The following FAT1 variants were observed in gnomAD, a reference collection of about 807,000 sequenced individuals.
The protein encoded by FAT1 is protocadherin Fat 1.
A neutral mutation model predicts 329.8 loss-of-function variants in FAT1; 171 were observed. That is an observed-to-expected ratio of 0.52 (90% CI 0.46 to 0.59). The LOEUF (loss-of-function observed/expected upper bound fraction) is 0.59, where lower values mean the gene tolerates loss of function less well. FAT1 is among the 20% of genes least tolerant of loss of function. The probability of loss-of-function intolerance (pLI) is 0.00; values close to 1 mark genes in which losing one functional copy is unlikely to be tolerated. For synonymous variants in FAT1, 2,233 were observed against 2,228.6 expected, an observed-to-expected ratio of 1.00 and a Z score of -0.06; for missense variants, 5,672 against 5,774.4, an observed-to-expected ratio of 0.98 and a Z score of 0.57.
rs772123419 is a variant in FAT1, at chr4:186,663,642, A to G, written c.3266-29T>C. 5 of 1,555,110 alleles carry G rather than the reference A, an allele frequency of 3.2e-6. No individual in the cohort carries two copies. In the East Asian group the frequency reaches 1.1e-4, roughly 35 times the overall value. ...CAGAGAAAAAAGAAAAGCGTAAAGC[A>G]GCACATCAACGACCAAAACTGCCAG... On this transcript the variant is annotated intron_variant, in intron 2 of 26. Transcript: ENST00000441802.
At chr4:186,725,049 G>C (rs1264784363), upstream of FAT1, among the ~76,000 whole-genome samples, 1 of 152,152 alleles carries the variant, frequency 6.6e-6, no homozygotes, top group African/African-American at 2.4e-5. The surrounding 1 kb of genome is among the most constrained non-coding windows in gnomAD (Gnocchi z 5.4). Context: ...ATGCCTGCAA[G>C]ATGAGTGTGC....
At chr4:186,634,162 C>A (rs972453968) in intron 6 of FAT1, among the ~76,000 whole-genome samples, 6 of 152,184 alleles carry the variant, frequency 3.9e-5, no homozygotes, top group Non-Finnish European at 8.8e-5. Flanking sequence ...GATACCATCA[C>A]TGGGCCATTT....
At chr4:186,635,934 A>C in intron 6 of FAT1, 91 bp downstream of exon 6, 1 of 1,131,154 alleles carries the variant, frequency 8.8e-7, no homozygotes, top group Non-Finnish European at 1.3e-6. Context: ...CCAATTTTAA[A>C]TCCTGACTTG....
intron 4 of FAT1, among the ~76,000 whole-genome samples, chr4:186,637,698 G>A (rs1358615395): frequency 1.3e-5 from 2 of 152,088 alleles, no homozygotes; most frequent in African/African-American, 2.4e-5. Context: ...TTACGTCAAT[G>A]GGCACATTAA....
intron 2 of FAT1, among the ~76,000 whole-genome samples, chr4:186,689,787 G>A (rs955647545): frequency 2.0e-5 from 3 of 151,994 alleles, no homozygotes; most frequent in African/African-American, 7.2e-5. Context: ...ATGCACACCC[G>A]CCACACGACT....
chr4:186,700,835 T>C (rs1335260146), intron 2 of FAT1, among the ~76,000 whole-genome samples: 1 of 152,224 alleles, frequency 6.6e-6, no homozygotes, highest in East Asian at 1.9e-4. Context: ...AGTGCCCGGC[T>C]GTGACACTCA....
intron 7 of FAT1, among the ~76,000 whole-genome samples, chr4:186,629,266 G>GA (rs1740474571): frequency 6.6e-6 from 1 of 152,112 alleles, no homozygotes; most frequent in East Asian, 1.9e-4. Context: ...TACGTAAAAA[G>GA]AAAAAATAAG....
rs1406351945 is a variant in FAT1 at position 186,708,846 on chromosome 4, G to C, written c.982C>G (p.His328Asp). Residue 328 changes from histidine (H) to aspartate (D), a missense_variant, in exon 2 of 27, where the codon CAT becomes GAT. Coordinates refer to ENST00000441802, the MANE Select transcript of FAT1 (RefSeq NM_005245.4). ...KAIGGIDWDS[H>D]PFGYNLTLQA... ...AGTGTGAGATTGTAGCCGAAAGGATGACTGTCCCAATCAATGCCACCGATG... is the reference window on the plus strand; with the variant it reads ...AGTGTGAGATTGTAGCCGAAAGGATCACTGTCCCAATCAATGCCACCGATG... 1 of 1,613,822 alleles carries C rather than the reference G, an allele frequency of 6.2e-7. No homozygotes were observed. The highest frequency in any genetic ancestry group is 8.5e-7 in the Non-Finnish European group (1 of 1,179,886).
intron 20 of FAT1, among the ~76,000 whole-genome samples, chr4:186,602,482 A>G (rs1370888717): frequency 6.6e-6 from 1 of 152,192 alleles, no homozygotes; most frequent in Non-Finnish European, 1.5e-5. Flanking sequence ...ATGCTAGAAA[A>G]TATTATCCAG....
intron 2 of FAT1, among the ~76,000 whole-genome samples, chr4:186,687,443 C>T (rs1743526156): frequency 6.6e-6 from 1 of 152,160 alleles, no homozygotes; most frequent in Admixed American, 6.5e-5. Context: ...TTTCACCCAG[C>T]AATTTCACTT....
intron 5 of FAT1, 129 bp from the exon 6 acceptor site, chr4:186,636,364 A>G (rs1166773578): frequency 7.8e-6 from 7 of 899,302 alleles, no homozygotes; most frequent in Non-Finnish European, 1.2e-5. Flanking sequence ...TATTCTGTGT[A>G]TGGAATGCCT....
rs754157550 is a variant in FAT1 at position 186,708,657 on chromosome 4, C to T, written c.1171G>A (p.Ala391Thr). Residue 391 changes from alanine to threonine, a missense_variant, in exon 2 of 27, where the codon GCC becomes ACC. Coordinates refer to ENST00000441802, the MANE Select transcript of FAT1 (RefSeq NM_005245.4). ...CTCAAATGGGAATAAGCAGGAATGG[C>T]CTTTACCATGACCACAGGTGTGTTG... ...PPNTPVVMVK[A>T]IPAYSHLRYV... 6.2e-7 allele frequency: 1 copy of T among 1,613,870 alleles called. No homozygotes were observed. Among genetic ancestry groups the T allele is most frequent in the Non-Finnish European group, 8.5e-7 (1 of 1,179,890 alleles).
At chr4:186,651,146 T>TCAA (rs1553993947) in intron 3 of FAT1, among the ~76,000 whole-genome samples, 2 of 147,980 alleles carry the variant, frequency 1.4e-5, no homozygotes, top group Non-Finnish European at 3.0e-5. Context: ...AATTTATTTA[T>TCAA]TAATAATAAA....
rs773170895 is a variant in FAT1 at position 186,609,783 on chromosome 4, T to C, written c.10068+18A>G. Reference sequence around the variant, plus strand: ...AGAAGATACACAGTTTTCACTGTAATGGGGAAAAAATACACACCGTGATGA... The same window carrying C: ...AGAAGATACACAGTTTTCACTGTAACGGGGAAAAAATACACACCGTGATGA... On this transcript the variant is annotated intron_variant, in intron 15 of 26. Transcript: ENST00000441802. The C allele has an allele frequency of 1.7e-5, 27 of 1,563,978 alleles. No homozygotes were observed. The East Asian group carries it at 4.5e-4, about 26-fold the overall frequency.
chr4:186,666,349 C>G (rs1742439450), intron 2 of FAT1, among the ~76,000 whole-genome samples: 1 of 152,184 alleles, frequency 6.6e-6, no homozygotes, highest in Admixed American at 6.5e-5. Context: ...GCTAAATTAG[C>G]AAAATTATAT....
chr4:186,611,827 C>CTTTT, intron 13 of FAT1, 52 bp from the exon 14 acceptor site: 2 of 1,170,558 alleles, frequency 1.7e-6, no homozygotes, highest in Non-Finnish European at 1.2e-6. Context: ...AAGTTTAACA[C>CTTTT]TTTTTTTTTT....
At position 186,592,248 on chromosome 4, in the gene FAT1, A is replaced by G. The variant is rs1381789269; in HGVS notation, c.13139-3028T>C. 1.3e-5 allele frequency among the ~76,000 whole-genome samples: 2 copies of G among 151,952 alleles called. 1 individual carries two copies. Among genetic ancestry groups the G allele is most frequent in the South Asian group, 4.1e-4 (2 of 4,822 alleles). On this transcript the variant is annotated intron_variant, in intron 26 of 26. Coordinates refer to ENST00000441802, the MANE Select transcript of FAT1 (RefSeq NM_005245.4). ...AATTTTCACTAAACCAAATATGAAA[A>G]TATTCTTTTACCATGCTCTACACCC... is the stretch of plus-strand genomic sequence containing the variant.
rs544192161 is a variant in FAT1 at position 186,708,069 on chromosome 4, G to T, written c.1759C>A (p.Gln587Lys). Residue 587 changes from glutamine to lysine, a missense_variant, in exon 2 of 27, where the codon CAA (glutamine) becomes AAA (lysine). Coordinates refer to ENST00000441802, the MANE Select transcript of FAT1 (RefSeq NM_005245.4). ...TCAATAGCAGAAACAGTGGTTATTT[G>T]CTCTCCCACGCCTAGATCTCTGGGA... ...TIPRDLGVGE[Q>K]ITTVSAIDAD... 6.2e-7 allele frequency: 1 copy of T among 1,613,900 alleles called. No individual in the cohort carries two copies. Among genetic ancestry groups the T allele is most frequent in the Non-Finnish European group, 8.5e-7 (1 of 1,179,862 alleles).
At chr4:186,629,944 T>A (rs1006451287) in intron 7 of FAT1, among the ~76,000 whole-genome samples, 1 of 152,242 alleles carries the variant, frequency 6.6e-6, no homozygotes, top group Admixed American at 6.5e-5. Flanking sequence ...CATATTCATT[T>A]CCACTATAAA....
Sources: gnomAD v4.1 joint callset for allele counts (sites outside exome capture counted in the v4.1 genomes callset) on GRCh38, gnomAD v4.1.1 for gene constraint, Gnocchi (gnomAD v3.1) non-coding constraint, MANE v1.5 for transcripts, NCBI Gene and HGNC (gene_info 2026-07-23, HGNC 2026-07-21) for gene names.